NREP: variants seen among roughly 807,000 people sequenced by gnomAD.
NREP encodes neuronal regeneration related protein.
In NREP, 5 loss-of-function variants were observed where a neutral mutation model predicts 8.6. The ratio of observed to expected loss-of-function variants is 0.58; its 90% CI spans 0.30 to 1.22. The LOEUF (loss-of-function observed/expected upper bound fraction) is 1.22. NREP is among the 50% of genes most tolerant of loss of function. NREP has a pLI of 0.07. For missense variants in NREP, 86 were observed against 82.5 expected (o/e 1.04, Z -0.17); for synonymous variants, 27 against 28.0 (o/e 0.96, Z 0.11).
intron 2 of NREP, among the ~76,000 whole-genome samples, chr5:111,800,569 G>C (rs554392764): frequency 6.6e-6 from 1 of 152,184 alleles, no homozygotes; most frequent in Non-Finnish European, 1.5e-5. Flanking sequence ...TTTCCAATTT[G>C]TGTGGAACAT....
chr5:111,740,382 T>C (rs1294869288), intron 2 of NREP, among the ~76,000 whole-genome samples: 1 of 152,140 alleles, frequency 6.6e-6, no homozygotes, highest in South Asian at 2.1e-4. Context: ...CTTGAATGTA[T>C]TGATAGTTGG....
chr5:111,801,389 G>A (rs1752003423), intron 2 of NREP, among the ~76,000 whole-genome samples: 1 of 152,122 alleles, frequency 6.6e-6, no homozygotes, highest in Admixed American at 6.6e-5. Context: ...AGAAGGCAAT[G>A]GCAACCAAGG....
chr5:111,884,083 C>T (rs1034041204), intron 2 of NREP, among the ~76,000 whole-genome samples: 1 of 151,728 alleles, frequency 6.6e-6, no homozygotes, highest in Non-Finnish European at 1.5e-5. Context: ...CTAGGAAGAC[C>T]AATAAAGAAG....
chr5:111,842,737 A>G (rs1203604621), intron 2 of NREP, among the ~76,000 whole-genome samples: 12 of 152,112 alleles, frequency 7.9e-5, no homozygotes. Context: ...TCCCTTTAGC[A>G]TTTCTTGTTA....
rs34538408 is a variant in NREP at position 111,770,554 on chromosome 5, C to CTTTTT, written c.136-35052_136-35048dup. 1.1e-3 allele frequency among the ~76,000 whole-genome samples: 80 copies of CTTTTT among 73,634 alleles called. 4 individuals carry two copies. The highest frequency in any genetic ancestry group is 1.2e-3 in the African/African-American group (24 of 20,172). 48.3% of individuals were successfully genotyped at this position (73,634 alleles called of 152,430 possible). ...TTATTTGGTAAAGAAGAATTATTTC[C>CTTTTT]TTTTTTTTTTTTTTTTTTTTTTTTT... On this transcript the variant is annotated intron_variant, in intron 2 of 3. Coordinates refer to the NREP transcript ENST00000395634.
At chr5:111,965,234 T>G (rs1756611177) in intron 2 of NREP, among the ~76,000 whole-genome samples, 1 of 152,062 alleles carries the variant, frequency 6.6e-6, no homozygotes, top group African/African-American at 2.4e-5. Flanking sequence ...GCAAACATTC[T>G]CCCACCTCGT....
At chr5:111,806,603 A>T (rs1004162763) in intron 2 of NREP, among the ~76,000 whole-genome samples, 1 of 152,190 alleles carries the variant, frequency 6.6e-6, no homozygotes, top group Non-Finnish European at 1.5e-5. Context: ...ATCTGATTGC[A>T]ATTTAGCCTA....
intron 2 of NREP, among the ~76,000 whole-genome samples, chr5:111,824,849 T>C (rs369046209): frequency 2.0e-5 from 3 of 152,228 alleles, no homozygotes; most frequent in Admixed American, 2.0e-4. Context: ...GTATAGTGTA[T>C]ACATTGGTTA....
chr5:111,926,387 T>C (rs1755384325), intron 2 of NREP, among the ~76,000 whole-genome samples: 1 of 152,122 alleles, frequency 6.6e-6, no homozygotes, highest in Non-Finnish European at 1.5e-5. Flanking sequence ...GTTCCAGATA[T>C]GGCTGCTAAA....
At chr5:111,944,452 C>T (rs1026239580) in intron 2 of NREP, among the ~76,000 whole-genome samples, 2 of 152,028 alleles carry the variant, frequency 1.3e-5, no homozygotes, top group African/African-American at 4.8e-5. Flanking sequence ...GGACCATAGG[C>T]ATGTACCACC....
chr5:111,756,311 A>AC (rs1750699902), intron 1 of NREP: 1 of 299,000 alleles, frequency 3.3e-6, no homozygotes, highest in Non-Finnish European at 4.5e-6. Flanking sequence ...AAAAAAAAAA[A>AC]ACCCTACACG....
intron 2 of NREP, among the ~76,000 whole-genome samples, chr5:111,872,117 C>T (rs147730040): frequency 6.1e-4 from 93 of 151,866 alleles, no homozygotes; most frequent in Admixed American, 1.6e-3. Flanking sequence ...TAAATTTGCT[C>T]AGGTGATTAT....
intron 2 of NREP, among the ~76,000 whole-genome samples, chr5:111,874,982 A>C (rs1753871431): frequency 6.6e-6 from 1 of 152,200 alleles, no homozygotes; most frequent in Admixed American, 6.5e-5. Flanking sequence ...CCACAGATTA[A>C]GAAAAACAAC....
At chr5:111,845,483 GGTTAT>G (rs1263549602) in intron 2 of NREP, among the ~76,000 whole-genome samples, 2 of 151,986 alleles carry the variant, frequency 1.3e-5, no homozygotes, top group East Asian at 3.9e-4. Context: ...AGATTTAAAT[GGTTAT>G]GTTGAGAATT....
chr5:111,760,937 C>G (rs1026866815), upstream of NREP, among the ~76,000 whole-genome samples: 1 of 152,168 alleles, frequency 6.6e-6, no homozygotes, highest in Admixed American at 6.5e-5. Context: ...AAATGTATCT[C>G]AAATCTATAT....
chr5:111,753,206 T>C (rs1314186404), intron 2 of NREP, among the ~76,000 whole-genome samples: 9 of 151,610 alleles, frequency 5.9e-5, no homozygotes, highest in Admixed American at 4.6e-4. Context: ...TACTCTTGAG[T>C]TGCACAACCC....
chr5:111,803,768 G>A (rs899666389), intron 2 of NREP, among the ~76,000 whole-genome samples: 1 of 152,094 alleles, frequency 6.6e-6, no homozygotes, highest in Admixed American at 6.6e-5. Context: ...CCCTTACAGA[G>A]AGTAGTTCAA....
chr5:111,943,208 T>A (rs930838173), intron 2 of NREP, among the ~76,000 whole-genome samples: 7 of 152,110 alleles, frequency 4.6e-5, no homozygotes, highest in Admixed American at 4.6e-4. Flanking sequence ...CATTTCCATA[T>A]TAATAATAGC....
rs757673815 is a variant in NREP, at chr5:111,755,863, C to A, written c.-58-33G>T. The A allele has an allele frequency of 9.1e-5, 146 of 1,609,802 alleles. 1 individual carries two copies. The highest frequency in any genetic ancestry group is 1.2e-4 in the Non-Finnish European group (139 of 1,177,326). On this transcript the variant is annotated intron_variant, in intron 1 of 3. Coordinates refer to ENST00000257435, the MANE Select transcript of NREP (RefSeq NM_004772.4). ...ATATGTTTAAATACAGTAGACACATCGCCTCACCACAGGTCAGCAAACGAA... is the reference window on the plus strand; with the variant it reads ...ATATGTTTAAATACAGTAGACACATAGCCTCACCACAGGTCAGCAAACGAA...
Sources: gnomAD v4.1 joint callset for allele counts (sites outside exome capture counted in the v4.1 genomes callset) on GRCh38, gnomAD v4.1.1 for gene constraint, MANE v1.5 for transcripts, NCBI Gene and HGNC (gene_info 2026-07-23, HGNC 2026-07-21) for gene names.